The following STOX2 variants were observed in gnomAD, a reference collection of about 807,000 sequenced individuals.
STOX2 encodes the protein storkhead-box protein 2.
STOX2 carries 28 observed loss-of-function variants against 60.9 expected under a neutral mutation model. That is an observed-to-expected ratio of 0.46 (90% CI 0.34 to 0.63). The LOEUF (loss-of-function observed/expected upper bound fraction) is 0.63. STOX2 is among the 30% of genes least tolerant of loss of function. The pLI is 0.01. For synonymous variants in STOX2, 472 were observed against 463.9 expected (o/e 1.02, Z -0.22); for missense variants, 1,024 against 1,187.7 (o/e 0.86, Z 2.03).
intron 1 of STOX2, among the ~76,000 whole-genome samples, chr4:183,909,997 C>G (rs1406815414): frequency 6.6e-6 from 1 of 152,166 alleles, no homozygotes; most frequent in Non-Finnish European, 1.5e-5. Flanking sequence ...CCTTATGTGA[C>G]TGTTTAAGCT....
In STOX2 at chr4:183,841,011, G is replaced by GTGC. The variant is rs559534099; in HGVS notation, c.364+42957_364+42959dup. Among the ~76,000 whole-genome samples the GTGC allele has an allele frequency of 2.7e-3, 407 of 152,204 alleles. 2 individuals are homozygous for GTGC. Among genetic ancestry groups the GTGC allele is most frequent in the African/African-American group, 9.6e-3 (397 of 41,548 alleles). On this transcript the variant is annotated intron_variant, in intron 1 of 2. Coordinates refer to the STOX2 transcript ENST00000513034. The stretch of plus-strand genomic sequence containing the variant: ...GCCTCCTGAGTAGCTGGGATTACAG[G>GTGC]TGCACACCACTACATCCGGCTAATT...
At chr4:183,854,054 G>A (rs1740229985) in intron 1 of STOX2, among the ~76,000 whole-genome samples, 1 of 152,148 alleles carries the variant, frequency 6.6e-6, no homozygotes, top group African/African-American at 2.4e-5. Context: ...ACTATACCAG[G>A]CCTTCATACT....
chr4:183,966,257 G>A (rs1254405684), intron 1 of STOX2, among the ~76,000 whole-genome samples: 2 of 152,184 alleles, frequency 1.3e-5, no homozygotes, highest in East Asian at 3.9e-4. Flanking sequence ...TGAGGATGGA[G>A]CCTTCGAGAG....
chr4:183,954,007 A>G (rs757825502), intron 1 of STOX2, among the ~76,000 whole-genome samples: 51 of 152,330 alleles, frequency 3.3e-4, no homozygotes, highest in Admixed American at 8.5e-4. Context: ...CAGAGCTAAG[A>G]CTGTGGGCCT....
At position 183,865,896 on chromosome 4, in the gene STOX2, AAAC is replaced by A. The variant is rs1020915859; in HGVS notation, c.364+67845_364+67847del. 1.6e-4 allele frequency among the ~76,000 whole-genome samples: 25 copies of A among 152,136 alleles called. No homozygotes were observed. The highest frequency in any genetic ancestry group is 5.3e-4 in the African/African-American group (22 of 41,426). ...CCACTTAGGCATTGTGAGTCCATTAAAACAACGTTTAAGCTGATGAGTGGCGTG... is the reference window on the plus strand; with the variant it reads ...CCACTTAGGCATTGTGAGTCCATTAAAACGTTTAAGCTGATGAGTGGCGTG... On this transcript the variant is annotated intron_variant, in intron 1 of 2. Coordinates refer to the STOX2 transcript ENST00000513034. This position sits in a 1 kb window ranked among gnomAD's most constrained non-coding sequence, Gnocchi z 4.1.
At chr4:183,908,368 T>G (rs1741677416) in intron 1 of STOX2, among the ~76,000 whole-genome samples, 1 of 152,202 alleles carries the variant, frequency 6.6e-6, no homozygotes, top group Non-Finnish European at 1.5e-5. Flanking sequence ...AAAACACATA[T>G]GTACATAAAC....
In STOX2 at chr4:184,020,691, G is replaced by GT. The variant is rs945174583; in HGVS notation, c.*3407_*3408insT. The GT allele has an allele frequency of 2.0e-5, 3 of 150,952 alleles. No individual in the cohort carries two copies. Among genetic ancestry groups the GT allele is most frequent in the African/African-American group, 7.3e-5 (3 of 40,846 alleles). 9.4% of individuals were successfully genotyped at this position (150,952 alleles called of 1,614,324 possible). ...ATAATGAACATATGAAAGGGGGGGGGGTGCCATCAAATAGAGAAAACAAAT... is the reference window on the plus strand; with the variant it reads ...ATAATGAACATATGAAAGGGGGGGGGTGTGCCATCAAATAGAGAAAACAAAT... On this transcript the variant is annotated 3_prime_UTR_variant, in exon 4 of 4. Transcript: ENST00000308497.
chr4:184,013,964 A>G (rs942189836), intron 3 of STOX2: 14 of 152,094 alleles, frequency 9.2e-5, no homozygotes, highest in African/African-American at 3.1e-4. Context: ...TTTTAAAAAA[A>G]TTTTTGTAGA....
In STOX2 at chr4:184,011,233, G is replaced by C. The variant is rs775880562; in HGVS notation, c.2395G>C (p.Val799Leu). 3.1e-6 allele frequency: 5 copies of C among 1,612,606 alleles called. No individual in the cohort carries two copies. The highest frequency in any genetic ancestry group is 1.3e-5 in the African/African-American group (1 of 74,986). The change falls in exon 3 of 4, where the codon GTA becomes CTA. Residue 799 changes from valine (V) to leucine (L), a missense_variant. Around this residue, in one of 3 missense-constraint regions of STOX2, gnomAD observed 922 missense variants for 1,058.3 expected, o/e 0.87. Transcript: ENST00000308497. The surrounding 1 kb of genome is among the most constrained non-coding windows in gnomAD (Gnocchi z 4.4). The stretch of plus-strand genomic sequence containing the variant: ...AGAGGAGGAGAAAAATAGAGAGGAC[G>C]TAGGCACCATGCAGTGGCTCCTCGA... ...NTEEEKNRED[V>L]GTMQWLLERE...
chr4:183,842,963 G>A (rs762369841), intron 1 of STOX2, among the ~76,000 whole-genome samples: 2 of 151,872 alleles, frequency 1.3e-5, no homozygotes, highest in Non-Finnish European at 2.9e-5. Flanking sequence ...GCCTAGCCAA[G>A]ATGGCGAAAC....
intron 1 of STOX2, among the ~76,000 whole-genome samples, chr4:183,957,577 G>T (rs561595643): frequency 6.6e-6 from 1 of 152,252 alleles, no homozygotes; most frequent in African/African-American, 2.4e-5. Context: ...TTTATTCAGT[G>T]GGTTATAGTC....
intron 1 of STOX2, among the ~76,000 whole-genome samples, chr4:183,884,550 G>A (rs1741036693): frequency 6.6e-6 from 1 of 152,132 alleles, no homozygotes; most frequent in African/African-American, 2.4e-5. Flanking sequence ...TTCCAGGGAA[G>A]GATTTTAGAG....
chr4:183,842,833 CTT>C (rs33919752), intron 1 of STOX2, among the ~76,000 whole-genome samples: 4 of 147,882 alleles, frequency 2.7e-5, no homozygotes, highest in Non-Finnish European at 3.0e-5. Flanking sequence ...GTTTTAAATT[CTT>C]TTTTTTTTTT....
intron 1 of STOX2, among the ~76,000 whole-genome samples, chr4:183,983,479 G>A (rs1255690734): frequency 4.6e-5 from 7 of 152,246 alleles, no homozygotes; most frequent in Non-Finnish European, 1.0e-4. Context: ...TATTGTCACA[G>A]ACTAGGATTG....
chr4:183,938,639 A>C (rs1742657714), intron 1 of STOX2, among the ~76,000 whole-genome samples: 1 of 139,908 alleles, frequency 7.1e-6, no homozygotes, highest in Non-Finnish European at 1.5e-5. Flanking sequence ...ACTGCACTCC[A>C]ACCCGGGCAA....
intron 1 of STOX2, among the ~76,000 whole-genome samples, chr4:183,833,919 T>C (rs1739636256): frequency 6.8e-6 from 1 of 146,072 alleles, no homozygotes; most frequent in South Asian, 2.1e-4. Context: ...GAGGCGGAGC[T>C]TGCAGTGAGC....
chr4:183,928,531 G>C (rs1179625924), intron 1 of STOX2, among the ~76,000 whole-genome samples: 2 of 152,142 alleles, frequency 1.3e-5, no homozygotes, highest in Non-Finnish European at 2.9e-5. Flanking sequence ...AATTATTAAC[G>C]GGTGATCAGG....
At chr4:183,974,529 T>C (rs970030429) in intron 1 of STOX2, among the ~76,000 whole-genome samples, 3 of 152,076 alleles carry the variant, frequency 2.0e-5, no homozygotes, top group Admixed American at 6.5e-5. Context: ...TAAAGTGATA[T>C]ACACTAATCA....
chr4:184,000,906 C>A (rs1338467500), intron 1 of STOX2, among the ~76,000 whole-genome samples: 2 of 152,206 alleles, frequency 1.3e-5, no homozygotes, highest in Non-Finnish European at 2.9e-5. Flanking sequence ...TCCCGTTCCC[C>A]CAGCAGACAC....
Sources: allele counts gnomAD v4.1 joint callset (sites outside exome capture counted in the v4.1 genomes callset), GRCh38; gene constraint gnomAD v4.1.1; regional missense constraint gnomAD v4.1.1; non-coding constraint Gnocchi (gnomAD v3.1); transcripts MANE v1.5; gene names NCBI Gene and HGNC (gene_info 2026-07-23, HGNC 2026-07-21).